TBC1D32: variants seen among roughly 807,000 people sequenced by gnomAD.
TBC1D32 encodes protein broad-minded.
In TBC1D32, 151 loss-of-function variants were observed where a neutral mutation model predicts 170.3. The ratio of observed to expected loss-of-function variants is 0.89; its 90% CI spans 0.78 to 1.01. The LOEUF (loss-of-function observed/expected upper bound fraction) is 1.01. Ranked by LOEUF, TBC1D32 falls within the 50% of genes least tolerant of loss-of-function variation. The pLI is 0.00. For synonymous variants in TBC1D32, 498 were observed against 488.0 expected (o/e 1.02, Z -0.27); for missense variants, 1,464 against 1,457.1 (o/e 1.00, Z -0.08).
At chr6:121,096,730 C>T (rs140929555) in intron 30 of TBC1D32, among the ~76,000 whole-genome samples, 486 of 152,198 alleles carry the variant, frequency 3.2e-3, no homozygotes, top group African/African-American at 0.011. Flanking sequence ...AAAGATCCCA[C>T]ATTGCCAAGA....
In TBC1D32 at chr6:121,304,686, T is replaced by G. The variant is rs10499105; in HGVS notation, c.770-61A>C. ...CATTTACAGTGCTTTCTGAAAAAAATTATTTCCTATCCATTCTTAAGTACA... is the reference window on the plus strand; with the variant it reads ...CATTTACAGTGCTTTCTGAAAAAAAGTATTTCCTATCCATTCTTAAGTACA... On this transcript the variant is annotated intron_variant, in intron 6 of 31. Transcript: ENST00000398212. 14 of 1,531,298 alleles carry G rather than the reference T, an allele frequency of 9.1e-6. No homozygotes were observed. In the African/African-American group the frequency reaches 1.4e-4, roughly 15 times the overall value. The allele number at this position is 1,531,298 out of a possible 1,614,324, so 94.9% of individuals were successfully genotyped here.
chr6:121,208,729 G>GAAAAAAA (rs57771111), intron 21 of TBC1D32, among the ~76,000 whole-genome samples: 2,483 of 86,860 alleles, frequency 0.029, 250 homozygotes, highest in Non-Finnish European at 0.042. Context: ...GAAACACCTG[G>GAAAAAAA]AAAAAAAAAA....
intron 29 of TBC1D32, among the ~76,000 whole-genome samples, chr6:121,107,884 T>C (rs1184258144): frequency 1.3e-5 from 2 of 152,062 alleles, no homozygotes; most frequent in East Asian, 3.9e-4. Flanking sequence ...TTATTAATTA[T>C]ATTTTCAAGG....
chr6:121,100,159 C>T (rs1777858824), intron 30 of TBC1D32, among the ~76,000 whole-genome samples: 1 of 151,960 alleles, frequency 6.6e-6, no homozygotes, highest in Non-Finnish European at 1.5e-5. Context: ...TGTTCTTTTA[C>T]ATTTGCTGAA....
intron 29 of TBC1D32, among the ~76,000 whole-genome samples, chr6:121,112,144 T>G (rs1779261294): frequency 6.6e-6 from 1 of 152,150 alleles, no homozygotes; most frequent in South Asian, 2.1e-4. Context: ...ATGATTTTCT[T>G]ATACCATAAT....
In TBC1D32 at chr6:121,279,192, T is replaced by G. The variant is rs1217015582; in HGVS notation, c.1662A>C (p.Ala554=). Residue 554 remains alanine, a synonymous_variant, in exon 15 of 32, where the codon GCA becomes GCC. Transcript: ENST00000398212. The part of the protein sequence containing the change: ...TALIHIAGIL[A]RIASVEEGLI... ...GCCCTTCTTCTACAGATGCAATTCT[T>G]GCCAAAATACCAGCTATATGAATTA... 6.2e-7 allele frequency: 1 copy of G among 1,611,918 alleles called. No individual in the cohort carries two copies. The highest frequency in any genetic ancestry group is 8.5e-7 in the Non-Finnish European group (1 of 1,179,054).
In TBC1D32 at chr6:121,192,797, T is replaced by C. The variant is rs1471294529; in HGVS notation, c.2570+12278A>G. On this transcript the variant is annotated intron_variant, in intron 22 of 31. Transcript: ENST00000398212. ...GAAACAGCTTCCCCATCCCCAGTAG[T>C]GGCAACATCTCCTCCCTGACCCATG... Among the ~76,000 whole-genome samples the C allele has an allele frequency of 8.7e-5, 13 of 148,908 alleles. No homozygotes were observed. The Admixed American group carries it at 9.1e-4, about 10-fold the overall frequency.
intron 12 of TBC1D32, among the ~76,000 whole-genome samples, chr6:121,290,674 C>T (rs796483131): frequency 6.6e-6 from 1 of 152,218 alleles, no homozygotes. Flanking sequence ...GATTATAAAT[C>T]ATGCTGCTAT....
intron 15 of TBC1D32, among the ~76,000 whole-genome samples, chr6:121,274,402 AC>A (rs770482075): frequency 4.6e-5 from 7 of 151,992 alleles, no homozygotes; most frequent in Non-Finnish European, 8.8e-5. Context: ...TTCAATTTCA[AC>A]AGAAAGGCTA....
In TBC1D32 at chr6:121,107,941, GTTC is replaced by G. The variant is rs138511310; in HGVS notation, c.3325-1781_3325-1779del. Reference sequence around the variant, plus strand: ...ATGGACTCCCTGAATTGAGGTAAGAGTTCTTCTACTCTTATAAATTAGACTCTG... The same window carrying G: ...ATGGACTCCCTGAATTGAGGTAAGAGTTCTACTCTTATAAATTAGACTCTG... On this transcript the variant is annotated intron_variant, in intron 29 of 31. Coordinates refer to ENST00000398212, the MANE Select transcript of TBC1D32 (RefSeq NM_152730.6). Among the ~76,000 whole-genome samples the G allele has an allele frequency of 7.6e-3, 1,153 of 152,134 alleles. 18 individuals carry two copies. Among genetic ancestry groups the G allele is most frequent in the African/African-American group, 0.027 (1,106 of 41,554 alleles).
rs1337653878 is a variant in TBC1D32 at position 121,112,527 on chromosome 6, C to T, written c.3302G>A (p.Trp1101Ter). ...TACAGAAATATGTAGCCTTGGCAAC[C>T]AAAGAAAAGCAGAAGTCAGAAGCCT... ...FSRLLTSAFL[W>*]LPRLHISSYL... Residue 1101 changes from tryptophan (W) to a stop codon, truncating the protein, a stop_gained, in exon 29 of 32, where the codon TGG becomes TAG. Transcript: ENST00000398212. LOFTEE classifies it high-confidence loss of function. 2 of 1,606,394 alleles carry T rather than the reference C, an allele frequency of 1.2e-6. No individual in the cohort carries two copies. Among genetic ancestry groups the T allele is most frequent in the African/African-American group, 1.3e-5 (1 of 74,584 alleles).
At chr6:121,150,511 C>A (rs1784075258) in intron 24 of TBC1D32, among the ~76,000 whole-genome samples, 1 of 152,136 alleles carries the variant, frequency 6.6e-6, no homozygotes, top group African/African-American at 2.4e-5. Context: ...ATGATGCTGG[C>A]CTCATGAAAT....
chr6:121,239,213 C>A, intron 19 of TBC1D32, 25 bp from the exon 20 acceptor site: 1 of 1,302,974 alleles, frequency 7.7e-7, no homozygotes. Flanking sequence ...TACTTCAAGT[C>A]ATTTATAGCA....
chr6:121,079,515 T>A lies in TBC1D32; in HGVS notation c.*1256A>T, dbSNP rs1447761605. 6.6e-6 allele frequency: 1 copy of A among 152,106 alleles called. No individual in the cohort carries two copies. Among genetic ancestry groups the A allele is most frequent in the Non-Finnish European group, 1.5e-5 (1 of 67,978 alleles). The allele number at this position is 152,106 out of a possible 1,614,324, so 9.4% of individuals were successfully genotyped here. A position where few individuals can be genotyped will look rare whatever the true frequency, so the allele number is the denominator to read the frequency against. ...AGGGTTAGAGTTAGAATGATTTTAA[T>A]GGTTGATTTATATTTAGATACAAGG... On this transcript the variant is annotated 3_prime_UTR_variant, in exon 32 of 32. Transcript: ENST00000398212.
At chr6:121,182,297 T>C (rs1199866169) in intron 22 of TBC1D32, among the ~76,000 whole-genome samples, 1 of 152,054 alleles carries the variant, frequency 6.6e-6, no homozygotes, top group African/African-American at 2.4e-5. Flanking sequence ...CACATATTTA[T>C]ATTTGTACTA....
rs1204103577 is a variant in TBC1D32, at chr6:121,281,588, C to G, written c.1564G>C (p.Glu522Gln). Residue 522 changes from glutamate (E) to glutamine (Q), a missense_variant, in exon 14 of 32, where the codon GAG becomes CAG. Coordinates refer to ENST00000398212, the MANE Select transcript of TBC1D32 (RefSeq NM_152730.6). ...TTGTGAATAGGCTGAAGAAGTGTCT[C>G]TATTACAATGTTGTTATATAAGCAT... ...VECLYNNIVIETLLQPIHNLM... is the reference protein window; with the variant it reads ...VECLYNNIVIQTLLQPIHNLM... 3.7e-6 allele frequency: 6 copies of G among 1,607,408 alleles called. No individual in the cohort carries two copies. The highest frequency in any genetic ancestry group is 5.1e-6 in the Non-Finnish European group (6 of 1,176,138).
chr6:121,315,240 T>C (rs1325483398), intron 3 of TBC1D32, among the ~76,000 whole-genome samples: 1 of 152,208 alleles, frequency 6.6e-6, no homozygotes, highest in Non-Finnish European at 1.5e-5. Flanking sequence ...GCTCACTTTT[T>C]TCTGTAGAAT....
chr6:121,263,499 T>A (rs1800046618), intron 15 of TBC1D32, among the ~76,000 whole-genome samples: 2 of 152,148 alleles, frequency 1.3e-5, no homozygotes, highest in African/African-American at 4.8e-5. Context: ...TGGGAGACTT[T>A]AATACCCCAC....
At chr6:121,092,291 A>ATTT (rs1776886276) in intron 30 of TBC1D32, among the ~76,000 whole-genome samples, 8 of 26,416 alleles carry the variant, frequency 3.0e-4, no homozygotes, top group Admixed American at 8.7e-4. Context: ...CTTCAGTTTT[A>ATTT]TGTTTTTTTT....
Sources: gnomAD v4.1 joint callset for allele counts (sites outside exome capture counted in the v4.1 genomes callset) on GRCh38, gnomAD v4.1.1 for gene constraint, MANE v1.5 for transcripts, NCBI Gene and HGNC (gene_info 2026-07-23, HGNC 2026-07-21) for gene names.